The following MTUS2 variants were observed in gnomAD, a reference collection of about 807,000 sequenced individuals.
MTUS2 encodes the protein microtubule-associated tumor suppressor candidate 2.
A neutral mutation model predicts 114.1 loss-of-function variants in MTUS2; 40 were observed. The observed-to-expected ratio is 0.35, with a 90% CI of 0.27 to 0.46. The LOEUF (loss-of-function observed/expected upper bound fraction) is 0.46, where lower values mean the gene tolerates loss of function less well. MTUS2 is among the 20% of genes least tolerant of loss of function. The probability of loss-of-function intolerance (pLI) is 1.00; values close to 1 mark genes in which losing one functional copy is unlikely to be tolerated. For synonymous variants in MTUS2, 688 were observed against 672.0 expected (o/e 1.02, Z -0.37); for missense variants, 1,679 against 1,705.4 (o/e 0.98, Z 0.27).
intron 2 of MTUS2, among the ~76,000 whole-genome samples, chr13:28,920,623 T>C (rs142214560): frequency 1.4e-3 from 214 of 152,290 alleles, no homozygotes; most frequent in African/African-American, 4.4e-3. Context: ...CGAGCTGGGT[T>C]TGTGTCCCTT....
intron 6 of MTUS2, among the ~76,000 whole-genome samples, chr13:29,304,343 G>A (rs891831766): frequency 2.0e-5 from 3 of 152,092 alleles, no homozygotes; most frequent in African/African-American, 4.8e-5. Flanking sequence ...GCACAGAATG[G>A]CAAGCTGGAT....
chr13:29,292,231 A>G (rs1000269580), intron 6 of MTUS2, among the ~76,000 whole-genome samples: 1 of 152,174 alleles, frequency 6.6e-6, no homozygotes, highest in African/African-American at 2.4e-5. Context: ...TGGTGGCTCT[A>G]AGCTGATGAT....
chr13:29,140,712 A>G (rs914988067), intron 5 of MTUS2, among the ~76,000 whole-genome samples: 10 of 152,138 alleles, frequency 6.6e-5, no homozygotes, highest in African/African-American at 2.4e-4. Context: ...ATCACTAGAA[A>G]ATCACCTCTT....
intron 2 of MTUS2, among the ~76,000 whole-genome samples, chr13:28,894,236 T>C (rs1041889627): frequency 5.0e-5 from 7 of 140,744 alleles, no homozygotes; most frequent in Middle Eastern, 3.6e-3. Flanking sequence ...GGGTGGGGCC[T>C]CTGGGATGGG....
At chr13:28,990,745 C>A (rs572818181) in intron 2 of MTUS2, among the ~76,000 whole-genome samples, 40 of 152,340 alleles carry the variant, frequency 2.6e-4, no homozygotes, top group African/African-American at 8.9e-4. Flanking sequence ...CCAACAGCGG[C>A]AACCCACTTG....
chr13:29,410,064 A>G (rs1875107651), intron 8 of MTUS2, among the ~76,000 whole-genome samples: 1 of 152,108 alleles, frequency 6.6e-6, no homozygotes, highest in African/African-American at 2.4e-5. Context: ...GATTGCATTC[A>G]CACCAGCAAC....
chr13:29,335,442 C>T (rs9579340), intron 7 of MTUS2, among the ~76,000 whole-genome samples: 28,552 of 152,064 alleles, frequency 0.19, 2,757 homozygotes, highest in Non-Finnish European at 0.22. Context: ...TGATCTTGCC[C>T]TGCCTCCATT....
chr13:29,324,803 A>G (rs1285660528), intron 7 of MTUS2, 92 bp downstream of exon 7: 5 of 943,362 alleles, frequency 5.3e-6, no homozygotes, highest in Non-Finnish European at 8.2e-6. Flanking sequence ...ATGCCAACCC[A>G]TGTGATTTAC....
At chr13:29,488,966 C>T (rs1156604503) in intron 11 of MTUS2, among the ~76,000 whole-genome samples, 1 of 152,190 alleles carries the variant, frequency 6.6e-6, no homozygotes, top group Admixed American at 6.5e-5. Context: ...CTTTACTTTT[C>T]CCTCCCAGTC....
rs1453227025 is a variant in MTUS2, at chr13:29,503,569, G to A, written c.*363G>A. 1 of 394,082 alleles carries A rather than the reference G, an allele frequency of 2.5e-6. No individual in the cohort carries two copies. Among genetic ancestry groups the A allele is most frequent in the East Asian group, 4.0e-5 (1 of 24,862 alleles). The allele number at this position is 394,082 out of a possible 1,614,324, so 24.4% of individuals were successfully genotyped here. A position where few individuals can be genotyped will look rare whatever the true frequency, so the allele number is the denominator to read the frequency against. On this transcript the variant is annotated 3_prime_UTR_variant, in exon 16 of 16. Coordinates refer to ENST00000612955, the MANE Select transcript of MTUS2 (RefSeq NM_001033602.4). ...CTGCACCGATATGTGTGTATATTTA[G>A]ATATACGTATATACACATGCTGCGG...
At chr13:29,437,997 T>C (rs9579376) in intron 8 of MTUS2, among the ~76,000 whole-genome samples, 4,693 of 151,830 alleles carry the variant, frequency 0.031, 101 homozygotes, top group Middle Eastern at 0.055. Context: ...TAAATGCATT[T>C]AGATAATTAA....
chr13:29,267,300 A>G lies in MTUS2; in HGVS notation c.2645-14404A>G, dbSNP rs530107574. Among the ~76,000 whole-genome samples the G allele has an allele frequency of 4.6e-5, 7 of 152,178 alleles. No homozygotes were observed. The South Asian group carries it at 1.5e-3, about 32-fold the overall frequency. On this transcript the variant is annotated intron_variant, in intron 5 of 15. Transcript: ENST00000612955. Reference sequence around the variant, plus strand: ...AGAGGAATGTTTGTTGTAAATGCCAACTCCTCCAAGAGGTCCTCCCAACCA... The same window carrying G: ...AGAGGAATGTTTGTTGTAAATGCCAGCTCCTCCAAGAGGTCCTCCCAACCA...
chr13:29,423,546 CA>C (rs887974902), intron 8 of MTUS2, among the ~76,000 whole-genome samples: 1 of 152,116 alleles, frequency 6.6e-6, no homozygotes, highest in Admixed American at 6.5e-5. Context: ...CACTGAGCAT[CA>C]AAAAACAGTA....
chr13:29,037,612 A>G (rs1327924320), intron 4 of MTUS2, among the ~76,000 whole-genome samples: 2 of 152,038 alleles, frequency 1.3e-5, no homozygotes, highest in African/African-American at 2.4e-5. Context: ...GTGTTTTCCA[A>G]CTCGGTTCCA....
chr13:29,274,467 A>G (rs1208049865), intron 5 of MTUS2, among the ~76,000 whole-genome samples: 2 of 152,096 alleles, frequency 1.3e-5, no homozygotes, highest in Non-Finnish European at 2.9e-5. Flanking sequence ...CAGCTGCACC[A>G]TTTTATACTC....
intron 11 of MTUS2, among the ~76,000 whole-genome samples, chr13:29,488,457 T>C (rs1881803197): frequency 1.6e-5 from 2 of 128,278 alleles, no homozygotes; most frequent in South Asian, 2.7e-4. Flanking sequence ...TTTTTTTTTT[T>C]TGAGACAGAG....
chr13:29,019,430 G>A (rs1465984736), intron 2 of MTUS2, among the ~76,000 whole-genome samples: 2 of 152,172 alleles, frequency 1.3e-5, no homozygotes, highest in African/African-American at 2.4e-5. Flanking sequence ...GCTTTTCCAC[G>A]ATAGTATGGG....
intron 5 of MTUS2, among the ~76,000 whole-genome samples, chr13:29,137,655 C>T (rs538497740): frequency 3.9e-5 from 6 of 151,928 alleles, no homozygotes; most frequent in South Asian, 2.1e-4. Flanking sequence ...CTCACCCTGT[C>T]GCCCAGGCTG....
chr13:29,070,916 T>G (rs1399750765), intron 4 of MTUS2, among the ~76,000 whole-genome samples: 1 of 152,160 alleles, frequency 6.6e-6, no homozygotes, highest in Non-Finnish European at 1.5e-5. Flanking sequence ...TTCTAACCCT[T>G]CAGTTGAATT....
Sources: gnomAD v4.1 joint callset for allele counts (sites outside exome capture counted in the v4.1 genomes callset) on GRCh38, gnomAD v4.1.1 for gene constraint, MANE v1.5 for transcripts, NCBI Gene and HGNC (gene_info 2026-07-23, HGNC 2026-07-21) for gene names.